The following HDAC9 variants were observed in gnomAD, a reference collection of about 807,000 sequenced individuals.
HDAC9 encodes MEF-2 interacting transcription repressor (MITR) protein.
Under a neutral mutation model 139.4 loss-of-function variants are expected in HDAC9, and 41 were observed. That is an observed-to-expected ratio of 0.29 (90% CI 0.23 to 0.38). The LOEUF (loss-of-function observed/expected upper bound fraction) is 0.38. Among genes scored for constraint, HDAC9 ranks in the 10% least tolerant of loss-of-function variants. HDAC9 has a pLI of 1.00. For synonymous variants in HDAC9, 517 were observed against 476.2 expected (o/e 1.09, Z -1.12); for missense variants, 1,147 against 1,297.0 (o/e 0.88, Z 1.78).
intron 16 of HDAC9, among the ~76,000 whole-genome samples, chr7:18,788,208 C>A (rs553079454): frequency 2.2e-4 from 33 of 152,260 alleles, no homozygotes; most frequent in Non-Finnish European, 5.9e-5. Flanking sequence ...CCCTTTGGCT[C>A]ACATTGGTAA....
chr7:18,097,202 T>G (rs1782562648), intron 1 of HDAC9, among the ~76,000 whole-genome samples: 1 of 152,216 alleles, frequency 6.6e-6, no homozygotes, highest in Non-Finnish European at 1.5e-5. Context: ...TTATTTGCTC[T>G]CATATCTAAC....
At chr7:18,337,323 C>G (rs1283594968) in intron 1 of HDAC9, among the ~76,000 whole-genome samples, 8 of 151,642 alleles carry the variant, frequency 5.3e-5, no homozygotes, top group African/African-American at 1.7e-4. Flanking sequence ...TATGCTTTAG[C>G]ACTTTGAGTT....
At chr7:18,444,341 GAAAAAAAAAAAAA>G (rs754142568) in intron 1 of HDAC9, among the ~76,000 whole-genome samples, 1 of 35,166 alleles carries the variant, frequency 2.8e-5, no homozygotes, top group Non-Finnish European at 5.5e-5. Flanking sequence ...GACCCTGTCT[GAAAAAAAAAAAAA>G]AAAAAAAAAA....
At chr7:18,517,435 A>G (rs1442794119) in intron 2 of HDAC9, among the ~76,000 whole-genome samples, 1 of 152,214 alleles carries the variant, frequency 6.6e-6, no homozygotes, top group Non-Finnish European at 1.5e-5. Context: ...AACGAACTAA[A>G]GGATCAGCTT....
chr7:18,655,099 A>G (rs1434247655), intron 11 of HDAC9, among the ~76,000 whole-genome samples: 1 of 152,194 alleles, frequency 6.6e-6, no homozygotes, highest in Non-Finnish European at 1.5e-5. Context: ...TTGGCATCTC[A>G]TCTATGGGTG....
At chr7:18,321,725 A>G (rs1800044180) in intron 1 of HDAC9, among the ~76,000 whole-genome samples, 1 of 152,112 alleles carries the variant, frequency 6.6e-6, no homozygotes, top group Non-Finnish European at 1.5e-5. Context: ...TCTTTCCTGA[A>G]CTAAGCCAAG....
At chr7:18,090,338 T>G (rs1782066349) in intron 1 of HDAC9, among the ~76,000 whole-genome samples, 1 of 152,198 alleles carries the variant, frequency 6.6e-6, no homozygotes, top group African/African-American at 2.4e-5. Context: ...CAGATCAGAT[T>G]TTAAATCAGT....
rs1787674005 is a variant in HDAC9 at position 18,402,867 on chromosome 7, G to T, written c.-41-93395G>T. ...TATATTACCCTTCAGAGAAAATTTTGGGTGGCATAGCAAATCTAAAAAAAA... is the reference window on the plus strand; with the variant it reads ...TATATTACCCTTCAGAGAAAATTTTTGGTGGCATAGCAAATCTAAAAAAAA... On this transcript the variant is annotated intron_variant, in intron 1 of 3. Transcript: ENST00000413509. Among the ~76,000 whole-genome samples the T allele has an allele frequency of 3.3e-5, 5 of 152,042 alleles. No individual in the cohort carries two copies. The South Asian group carries it at 1.0e-3, about 32-fold the overall frequency.
At chr7:18,968,858 C>T (rs1426797384) in intron 24 of HDAC9, among the ~76,000 whole-genome samples, 1 of 145,228 alleles carries the variant, frequency 6.9e-6, no homozygotes, top group Non-Finnish European at 1.5e-5. Flanking sequence ...ACTCAGGAGG[C>T]TGAGCCAGGA....
chr7:18,216,847 T>G (rs1009571179), intron 2 of HDAC9, among the ~76,000 whole-genome samples: 1 of 152,152 alleles, frequency 6.6e-6, no homozygotes, highest in Non-Finnish European at 1.5e-5. Flanking sequence ...CCATCACTTA[T>G]GATTATACAA....
chr7:18,275,287 G>T (rs1161880518), intron 2 of HDAC9, among the ~76,000 whole-genome samples: 1 of 152,054 alleles, frequency 6.6e-6, no homozygotes, highest in Non-Finnish European at 1.5e-5. Context: ...TCACTTTACA[G>T]CTACCCTCAC....
At chr7:18,791,790 G>T (rs748402335) in intron 16 of HDAC9, among the ~76,000 whole-genome samples, 2 of 152,134 alleles carry the variant, frequency 1.3e-5, no homozygotes, top group Non-Finnish European at 2.9e-5. Flanking sequence ...TATGTGCCAG[G>T]CTTTACAAAA....
chr7:18,378,896 C>T (rs1250378336), intron 1 of HDAC9, among the ~76,000 whole-genome samples: 1 of 151,954 alleles, frequency 6.6e-6, no homozygotes, highest in African/African-American at 2.4e-5. Context: ...GAAAGCCTTC[C>T]CTTAATTCAG....
intron 2 of HDAC9, among the ~76,000 whole-genome samples, chr7:18,565,746 A>G (rs1327255881): frequency 6.6e-6 from 1 of 152,164 alleles, no homozygotes; most frequent in Non-Finnish European, 1.5e-5. Context: ...TGTTGTTTTA[A>G]TTTTATTTAT....
chr7:18,693,057 A>G (rs751413193), intron 12 of HDAC9, among the ~76,000 whole-genome samples: 2 of 152,042 alleles, frequency 1.3e-5, no homozygotes, highest in African/African-American at 2.4e-5. Flanking sequence ...CCCCATAAAT[A>G]TAGACAATTA....
At chr7:18,219,111 G>A (rs1011695571) in intron 2 of HDAC9, among the ~76,000 whole-genome samples, 6 of 152,156 alleles carry the variant, frequency 3.9e-5, no homozygotes, top group African/African-American at 1.4e-4. Context: ...AAGGAATATA[G>A]TATCTCATGG....
intron 2 of HDAC9, among the ~76,000 whole-genome samples, chr7:18,200,040 T>C (rs1791007871): frequency 6.6e-6 from 1 of 152,238 alleles, no homozygotes; most frequent in East Asian, 1.9e-4. Flanking sequence ...TAAGTCACAC[T>C]AATGACTGAT....
At chr7:18,321,376 A>G (rs1800020838) in intron 1 of HDAC9, among the ~76,000 whole-genome samples, 1 of 152,170 alleles carries the variant, frequency 6.6e-6, no homozygotes, top group South Asian at 2.1e-4. Context: ...TACTTACCAT[A>G]TTCCATGTAC....
intron 24 of HDAC9, among the ~76,000 whole-genome samples, chr7:18,972,273 G>A (rs111915004): frequency 3.5e-3 from 527 of 151,322 alleles, no homozygotes; most frequent in African/African-American, 0.012. Flanking sequence ...AAATGTGGAA[G>A]TTGTGCTCCA....
Sources: allele counts gnomAD v4.1 joint callset (sites outside exome capture counted in the v4.1 genomes callset), GRCh38; gene constraint gnomAD v4.1.1; transcripts MANE v1.5; gene names NCBI Gene and HGNC (gene_info 2026-07-23, HGNC 2026-07-21).